Variants in PSD3 observed in about 807,000 individuals in gnomAD.
PSD3 encodes PH and SEC7 domain-containing protein 3.
Under a neutral mutation model 105.5 loss-of-function variants are expected in PSD3, and 49 were observed. The ratio of observed to expected loss-of-function variants is 0.46; its 90% CI spans 0.37 to 0.59. PSD3 has a LOEUF of 0.59. Ranked by LOEUF, PSD3 falls within the 20% of genes least tolerant of loss-of-function variation. The pLI, the probability that PSD3 is intolerant of heterozygous loss-of-function variation, is 0.00. For synonymous variants in PSD3, 557 were observed against 457.8 expected (o/e 1.22, Z -2.77); for missense variants, 1,561 against 1,263.8 (o/e 1.24, Z -3.57).
At chr8:18,703,188 C>A (rs575089161) in intron 9 of PSD3, among the ~76,000 whole-genome samples, 1 of 152,132 alleles carries the variant, frequency 6.6e-6, no homozygotes, top group African/African-American at 2.4e-5. Context: ...TGCCTCGTCA[C>A]GAGGGCTTTT....
At chr8:19,065,834 T>A (rs1049172817) in intron 1 of PSD3, among the ~76,000 whole-genome samples, 10 of 152,080 alleles carry the variant, frequency 6.6e-5, no homozygotes, top group African/African-American at 2.4e-4. Context: ...CCTCAGCCCC[T>A]CTCCCATCCC....
chr8:19,065,966 C>T (rs930768590), intron 1 of PSD3, among the ~76,000 whole-genome samples: 3 of 151,622 alleles, frequency 2.0e-5, no homozygotes, highest in African/African-American at 7.3e-5. Context: ...AAAAAGACCA[C>T]TTTGGAAATT....
At chr8:18,948,198 G>C (rs550502887) in intron 1 of PSD3, among the ~76,000 whole-genome samples, 1 of 152,154 alleles carries the variant, frequency 6.6e-6, no homozygotes, top group Non-Finnish European at 1.5e-5. Context: ...TTCTGGACCT[G>C]TGTGCTTCTG....
At chr8:18,680,392 T>G (rs998878631) in intron 9 of PSD3, among the ~76,000 whole-genome samples, 1 of 152,196 alleles carries the variant, frequency 6.6e-6, no homozygotes, top group African/African-American at 2.4e-5. Context: ...AAAATGTTAC[T>G]TCTGTCAAAG....
intron 9 of PSD3, chr8:18,720,791 T>A (rs1315570306): frequency 2.6e-5 from 4 of 152,056 alleles, no homozygotes; most frequent in African/African-American, 9.7e-5. Context: ...ATTACAACAA[T>A]CCAAGTCTTC....
chr8:18,885,824 C>G (rs766978261), intron 2 of PSD3, among the ~76,000 whole-genome samples: 2 of 152,114 alleles, frequency 1.3e-5, no homozygotes, highest in African/African-American at 4.8e-5. Flanking sequence ...ACTATAAAAG[C>G]GACACTTTTA....
intron 1 of PSD3, among the ~76,000 whole-genome samples, chr8:18,990,403 T>C (rs567431350): frequency 3.3e-5 from 5 of 152,326 alleles, no homozygotes; most frequent in South Asian, 2.1e-4. Flanking sequence ...CAGTTCTTCA[T>C]ATGCGACGCT....
At chr8:18,818,939 G>C (rs1812456697) in intron 4 of PSD3, among the ~76,000 whole-genome samples, 1 of 152,070 alleles carries the variant, frequency 6.6e-6, no homozygotes, top group Non-Finnish European at 1.5e-5. Flanking sequence ...AGGTAAACAA[G>C]CAGAATTCAG....
intron 9 of PSD3, among the ~76,000 whole-genome samples, chr8:18,729,653 C>G (rs1432098161): frequency 3.3e-5 from 5 of 152,066 alleles, no homozygotes; most frequent in Non-Finnish European, 7.4e-5. Context: ...GAAAAGATAC[C>G]CAACATCTGT....
chr8:18,775,603 A>G (rs932178155), intron 8 of PSD3, among the ~76,000 whole-genome samples: 1 of 152,202 alleles, frequency 6.6e-6, no homozygotes, highest in African/African-American at 2.4e-5. Flanking sequence ...ACATCTATTC[A>G]TGTATCTGTT....
At chr8:18,666,512 A>G (rs1799465847) in intron 9 of PSD3, among the ~76,000 whole-genome samples, 2 of 152,204 alleles carry the variant, frequency 1.3e-5, no homozygotes, top group South Asian at 4.1e-4. Flanking sequence ...GTAAACATCT[A>G]ATGAACTGAT....
At chr8:18,886,738 A>C (rs1360177126) in intron 2 of PSD3, among the ~76,000 whole-genome samples, 1 of 152,178 alleles carries the variant, frequency 6.6e-6, no homozygotes, top group Non-Finnish European at 1.5e-5. Context: ...GTCAACTGGA[A>C]GCAAATTAGT....
In PSD3 at chr8:18,743,542, T is replaced by C. The variant is rs544149154; in HGVS notation, c.2172+21907A>G. Among the ~76,000 whole-genome samples the C allele has an allele frequency of 9.2e-5, 14 of 152,298 alleles. No homozygotes were observed. The East Asian group carries it at 2.3e-3, about 25-fold the overall frequency. On this transcript the variant is annotated intron_variant, in intron 9 of 15. Coordinates refer to ENST00000327040, the MANE Select transcript of PSD3 (RefSeq NM_015310.4). Reference sequence around the variant, plus strand: ...TTTACTTGGATGGGGGAAAAGTCTCTTCCCACATTTACTGATCTCTAAGAA... The same window carrying C: ...TTTACTTGGATGGGGGAAAAGTCTCCTCCCACATTTACTGATCTCTAAGAA...
intron 1 of PSD3, among the ~76,000 whole-genome samples, chr8:19,062,637 A>G (rs1279403039): frequency 1.3e-5 from 2 of 152,238 alleles, no homozygotes; most frequent in Non-Finnish European, 2.9e-5. Context: ...ATTATTTTCT[A>G]TAAGTAAAAG....
chr8:18,716,454 G>A (rs1802606492), intron 9 of PSD3, among the ~76,000 whole-genome samples: 3 of 152,144 alleles, frequency 2.0e-5, no homozygotes, highest in Admixed American at 2.0e-4. Context: ...AAGTGTTCCA[G>A]GTGGGTGAAA....
chr8:18,892,100 T>G (rs1246926497), intron 2 of PSD3, among the ~76,000 whole-genome samples: 1 of 152,096 alleles, frequency 6.6e-6, no homozygotes, highest in Non-Finnish European at 1.5e-5. Context: ...TTTTACATTA[T>G]TTGCACTTTT....
chr8:18,968,340 C>T (rs1824415255), intron 1 of PSD3, among the ~76,000 whole-genome samples: 1 of 152,178 alleles, frequency 6.6e-6, no homozygotes, highest in African/African-American at 2.4e-5. Context: ...AGACTTTAAA[C>T]TTTATTTTAA....
chr8:19,072,591 T>C (rs962663679), intron 1 of PSD3, among the ~76,000 whole-genome samples: 1 of 152,082 alleles, frequency 6.6e-6, no homozygotes, highest in Non-Finnish European at 1.5e-5. Context: ...TATTCAGACA[T>C]GGAGAAAAGA....
intron 8 of PSD3, among the ~76,000 whole-genome samples, chr8:18,789,798 C>T (rs1425335508): frequency 6.6e-6 from 1 of 152,202 alleles, no homozygotes; most frequent in East Asian, 1.9e-4. Flanking sequence ...CATCCTCATT[C>T]CTCCCTCCTT....
Sources: allele counts gnomAD v4.1 joint callset (sites outside exome capture counted in the v4.1 genomes callset), GRCh38; gene constraint gnomAD v4.1.1; transcripts MANE v1.5; gene names NCBI Gene and HGNC (gene_info 2026-07-23, HGNC 2026-07-21).